OR4K2: variants seen among roughly 807,000 people sequenced by gnomAD.
The protein encoded by OR4K2 is olfactory receptor family 4 subfamily K member 2.
In OR4K2, 8 loss-of-function variants were observed where a neutral mutation model predicts 10.5. The observed-to-expected ratio is 0.76, with a 90% confidence interval of 0.45 to 1.37. The LOEUF is 1.37. Ranked by LOEUF, OR4K2 falls within the 40% of genes most tolerant of loss-of-function variation. The pLI is 0.00. For missense variants in OR4K2, 547 were observed against 379.5 expected (o/e 1.44, Z -3.67); for synonymous variants, 178 against 133.6 (o/e 1.33, Z -2.29).
rs780165847 is a variant in OR4K2 at position 19,876,398 on chromosome 14, T to C, written c.131T>C (p.Leu44Pro). The stretch of plus-strand genomic sequence containing the variant: ...GTGGCAACAATGGTGGGTAACAGCC[T>C]CATAGTCATCACAGTTATAGTGGAC... ...LYVATMVGNS[L>P]IVITVIVDPH... Residue 44 changes from leucine (L) to proline (P), a missense_variant, in exon 2 of 2, where the codon CTC becomes CCC. Transcript: ENST00000641885. The C allele has an allele frequency of 8.7e-6, 14 of 1,613,988 alleles. No individual in the cohort carries two copies. Among genetic ancestry groups the C allele is most frequent in the Non-Finnish European group, 1.2e-5 (14 of 1,179,942 alleles).
chr14:19,876,315 G>A lies in OR4K2; in HGVS notation c.48G>A (p.Gly16=), dbSNP rs780588179. 1.9e-6 allele frequency: 3 copies of A among 1,612,852 alleles called. No individual in the cohort carries two copies. The highest frequency in any genetic ancestry group is 2.2e-5 in the East Asian group (1 of 44,860). Residue 16 remains glycine (G), a synonymous_variant, in exon 2 of 2, where the codon GGG becomes GGA. Transcript: ENST00000641885. The part of the protein sequence containing the change: ...KSTMSEFVLL[G]LSNSWELQMF... ...CCATGTCTGAATTTGTTTTGCTGGGGCTCTCTAATTCCTGGGAACTACAGA... is the reference window on the plus strand; with the variant it reads ...CCATGTCTGAATTTGTTTTGCTGGGACTCTCTAATTCCTGGGAACTACAGA...
chr14:19,877,773 A>G lies in OR4K2; in HGVS notation c.*561A>G, dbSNP rs573456658. The G allele has an allele frequency of 1.3e-5, 2 of 152,932 alleles. No individual in the cohort carries two copies. The highest frequency in any genetic ancestry group is 4.1e-4 in the South Asian group (2 of 4,864). The allele number at this position is 152,932 out of a possible 1,614,324, so 9.5% of individuals were successfully genotyped here. A position where few individuals can be genotyped will look rare whatever the true frequency, so the allele number is the denominator to read the frequency against. On this transcript the variant is annotated 3_prime_UTR_variant, in exon 2 of 2. Coordinates refer to ENST00000641885, the MANE Select transcript of OR4K2 (RefSeq NM_001005501.2). ...TTCGAATGTTAATGACGTCCATAAA[A>G]TTGCCGTAAGTGTAGCAATCTTTAC... is the stretch of plus-strand genomic sequence containing the variant.
In OR4K2 at chr14:19,880,278, A is replaced by G. The variant is rs1216812943; in HGVS notation, c.*3066A>G. On this transcript the variant is annotated 3_prime_UTR_variant, in exon 2 of 2. Coordinates refer to ENST00000641885, the MANE Select transcript of OR4K2 (RefSeq NM_001005501.2). ...AACAGTGTTTAATACTACTTCTACT[A>G]CTAGTGGTGTAAACTTAAGCTAAGT... is the stretch of plus-strand genomic sequence containing the variant. 6.6e-6 allele frequency: 1 copy of G among 152,158 alleles called. No individual in the cohort carries two copies. The highest frequency in any genetic ancestry group is 2.4e-5 in the African/African-American group (1 of 41,430). The allele number at this position is 152,158 out of a possible 1,614,324, so 9.4% of individuals were successfully genotyped here.
chr14:19,883,895 C>T lies in OR4K2; in HGVS notation c.*6683C>T, dbSNP rs1401972625. On this transcript the variant is annotated 3_prime_UTR_variant, in exon 2 of 2. Transcript: ENST00000641885. ...GGAGACCGTTTTGATCTGCCCTCCT[C>T]ACCTCACATTTCACACATGGAGAAA... 6.6e-6 allele frequency: 1 copy of T among 152,226 alleles called. No homozygotes were observed. Among genetic ancestry groups the T allele is most frequent in the Non-Finnish European group, 1.5e-5 (1 of 68,040 alleles). 9.4% of individuals were successfully genotyped at this position (152,226 alleles called of 1,614,324 possible).
Position 19,876,627 on chromosome 14 carries a change from TG to T in OR4K2, c.361del (p.Asp121IlefsTer37), listed in dbSNP as rs2138529884. The T allele has an allele frequency of 1.9e-6, 3 of 1,614,218 alleles. No individual in the cohort carries two copies. The East Asian group carries it at 6.7e-5, about 36-fold the overall frequency. On this transcript the variant is annotated frameshift_variant, in exon 2 of 2. Transcript: ENST00000641885. LOFTEE classifies it high-confidence loss of function. ...EIILLMAMSFDRYIAICKPLH... is the reference protein window; with the variant it reads ...EIILLMAMSFXRYIAICKPLH... ...TCATCTTACTCATGGCCATGTCCTT[TG>T]ATAGGTATATTGCAATATGCAAGCC...
In OR4K2 at chr14:19,877,184, T is replaced by C. The variant is rs1880931160; in HGVS notation, c.917T>C (p.Leu306Pro). 1 of 1,592,784 alleles carries C rather than the reference T, an allele frequency of 6.3e-7. No individual in the cohort carries two copies. Among genetic ancestry groups the C allele is most frequent in the Non-Finnish European group, 8.5e-7 (1 of 1,174,800 alleles). ...IAMRKLKNRFLNFNKAMPS is the reference protein window; with the variant it reads ...IAMRKLKNRFPNFNKAMPS ...ATGAGGAAACTGAAAAATAGGTTTC[T>C]AAATTTTAATAAGGCAATGCCTTCA... Residue 306 changes from leucine (L) to proline (P), a missense_variant, in exon 2 of 2, where the codon CTA becomes CCA. Physicochemically the swap from Leu to Pro is moderately conservative, Grantham distance 98 (BLOSUM62 -3). Transcript: ENST00000641885.
At position 19,876,093 on chromosome 14, in the gene OR4K2, A is replaced by T. The variant is rs1303702264; in HGVS notation, c.-65A>T. ...CTCTAATATTTCATAATTTCCATTC[A>T]AAACAATATACCAAATGAGAAGGAT... On this transcript the variant is annotated 5_prime_UTR_variant, in exon 1 of 2. Coordinates refer to ENST00000641885, the MANE Select transcript of OR4K2 (RefSeq NM_001005501.2). 9 of 595,434 alleles carry T rather than the reference A, an allele frequency of 1.5e-5. No homozygotes were observed. Among genetic ancestry groups the T allele is most frequent in the African/African-American group, 1.3e-4 (7 of 52,172 alleles). 36.9% of individuals were successfully genotyped at this position (595,434 alleles called of 1,614,324 possible). A position where few individuals can be genotyped will look rare whatever the true frequency, so the allele number is the denominator to read the frequency against.
At position 19,876,482 on chromosome 14, in the gene OR4K2, C is replaced by G. The variant is rs766217953; in HGVS notation, c.215C>G (p.Ser72Cys). The part of the protein sequence containing the change: ...LLTNLSIIDM[S>C]LASFATPKMI... The stretch of plus-strand genomic sequence containing the variant: ...ACCAATCTTTCAATCATTGATATGT[C>G]TCTTGCTTCTTTCGCCACCCCAAAG... The change falls in exon 2 of 2, where the codon TCT becomes TGT. Residue 72 changes from serine to cysteine, a missense_variant. Coordinates refer to ENST00000641885, the MANE Select transcript of OR4K2 (RefSeq NM_001005501.2). The G allele has an allele frequency of 1.2e-5, 20 of 1,614,122 alleles. No individual in the cohort carries two copies. The East Asian group carries it at 4.2e-4, about 34-fold the overall frequency.
At chr14:19,876,171 A>G in intron 1 of OR4K2, 37 bp downstream of exon 1, 1 of 1,017,436 alleles carries the variant, frequency 9.8e-7, no homozygotes, top group South Asian at 1.6e-5. Flanking sequence ...CTGAAAGTAG[A>G]TAATTGGAAA....
chr14:19,876,953 C>T lies in OR4K2; in HGVS notation c.686C>T (p.Ser229Phe). The change falls in exon 2 of 2, where the codon TCT becomes TTT. Residue 229 changes from serine to phenylalanine, a missense_variant. Transcript: ENST00000641885. The part of the protein sequence containing the change: ...VIVLVTVKHH[S>F]SRGSSKALST... ...GTCCTGGTTACTGTGAAGCATCATTCTTCCAGAGGATCATCTAAGGCCCTT... is the reference window on the plus strand; with the variant it reads ...GTCCTGGTTACTGTGAAGCATCATTTTTCCAGAGGATCATCTAAGGCCCTT... 6.2e-7 allele frequency: 1 copy of T among 1,614,060 alleles called. No homozygotes were observed. Among genetic ancestry groups the T allele is most frequent in the Non-Finnish European group, 8.5e-7 (1 of 1,179,968 alleles).
rs983851280 is a variant in OR4K2, at chr14:19,876,846, T to C, written c.579T>C (p.Tyr193=). The C allele has an allele frequency of 3.1e-6, 5 of 1,614,216 alleles. No homozygotes were observed. Among genetic ancestry groups the C allele is most frequent in the Admixed American group, 3.3e-5 (2 of 60,026 alleles). The change falls in exon 2 of 2, where the codon TAT becomes TAC. Residue 193 remains tyrosine, a synonymous_variant. Coordinates refer to ENST00000641885, the MANE Select transcript of OR4K2 (RefSeq NM_001005501.2). ...TCCAGTTGGCTTGTGTGGATACTTA[T>C]GTTCTGGGCCTCTTTATGATCTCAA... ...VVFQLACVDT[Y]VLGLFMISTS...
rs1326288742 is a variant in OR4K2, at chr14:19,879,235, G to A, written c.*2023G>A. The A allele has an allele frequency of 1.3e-5, 2 of 150,730 alleles. No homozygotes were observed. The highest frequency in any genetic ancestry group is 3.0e-5 in the Non-Finnish European group (2 of 67,528). The allele number at this position is 150,730 out of a possible 1,614,324, so 9.3% of individuals were successfully genotyped here. The stretch of plus-strand genomic sequence containing the variant: ...CTATCACATTTCTCGGTGGCTTAGT[G>A]TGAGGAGTCAATATTCATGGTACCT... On this transcript the variant is annotated 3_prime_UTR_variant, in exon 2 of 2. Transcript: ENST00000641885.
rs985886217 is a variant in OR4K2 at position 19,876,546 on chromosome 14, T to A, written c.279T>A (p.Ser93=). The change falls in exon 2 of 2, where the codon TCT becomes TCA. Residue 93 remains serine, a synonymous_variant. Coordinates refer to ENST00000641885, the MANE Select transcript of OR4K2 (RefSeq NM_001005501.2). ...TDYLTGHKTI[S]FDGCLTQIFF... is the part of the protein sequence containing the mutation. ...ACCTAACAGGTCACAAAACCATCTCTTTTGATGGCTGCCTTACCCAGATAT... is the reference window on the plus strand; with the variant it reads ...ACCTAACAGGTCACAAAACCATCTCATTTGATGGCTGCCTTACCCAGATAT... 2 of 1,614,094 alleles carry A rather than the reference T, an allele frequency of 1.2e-6. No individual in the cohort carries two copies. Among genetic ancestry groups the A allele is most frequent in the East Asian group, 2.2e-5 (1 of 44,902 alleles).
chr14:19,876,779 C>T lies in OR4K2; in HGVS notation c.512C>T (p.Pro171Leu). 2 of 1,614,186 alleles carry T rather than the reference C, an allele frequency of 1.2e-6. No homozygotes were observed. The highest frequency in any genetic ancestry group is 8.5e-7 in the Non-Finnish European group (1 of 1,180,004). Residue 171 changes from proline to leucine, a missense_variant, in exon 2 of 2, where the codon CCC becomes CTC. Transcript: ENST00000641885. Reference sequence around the variant, plus strand: ...GCCCTCACGTTACCATTCTGTGGTCCCTATGAGGTAGACAGCTTTTTCTGT... The same window carrying T: ...GCCCTCACGTTACCATTCTGTGGTCTCTATGAGGTAGACAGCTTTTTCTGT... ...IFALTLPFCGPYEVDSFFCDL... is the reference protein window; with the variant it reads ...IFALTLPFCGLYEVDSFFCDL...
rs535228639 is a variant in OR4K2, at chr14:19,878,214, A to G, written c.*1002A>G. 6.6e-6 allele frequency: 1 copy of G among 152,224 alleles called. No individual in the cohort carries two copies. The allele number at this position is 152,224 out of a possible 1,614,324, so 9.4% of individuals were successfully genotyped here. A position where few individuals can be genotyped will look rare whatever the true frequency, so the allele number is the denominator to read the frequency against. ...TTCAATATTAGCTTTAATGTATACA[A>G]AGTATTACTACCACCTGCTGGTACT... On this transcript the variant is annotated 3_prime_UTR_variant, in exon 2 of 2. Coordinates refer to ENST00000641885, the MANE Select transcript of OR4K2 (RefSeq NM_001005501.2).
At chr14:19,876,165 AAGT>A in intron 1 of OR4K2, 31 bp downstream of exon 1, 6 of 974,596 alleles carry the variant, frequency 6.2e-6, no homozygotes, top group Non-Finnish European at 7.6e-6. Flanking sequence ...AAATTTCTGA[AAGT>A]AGATAATTGG....
Position 19,877,179 on chromosome 14 carries a change from G to C in OR4K2, c.912G>C (p.Arg304Ser), listed in dbSNP as rs1213408093. 2 of 1,596,516 alleles carry C rather than the reference G, an allele frequency of 1.3e-6. No homozygotes were observed. Among genetic ancestry groups the C allele is most frequent in the East Asian group, 2.2e-5 (1 of 44,854 alleles). ...TAGCCATGAGGAAACTGAAAAATAG[G>C]TTTCTAAATTTTAATAAGGCAATGC... is the stretch of plus-strand genomic sequence containing the variant. Reference protein sequence around the residue: ...VKIAMRKLKNRFLNFNKAMPS With the variant: ...VKIAMRKLKNSFLNFNKAMPS Residue 304 changes from arginine (R) to serine (S), a missense_variant, in exon 2 of 2, where the codon AGG becomes AGC. By Grantham distance (110) the Arg-to-Ser change is moderately radical. Coordinates refer to ENST00000641885, the MANE Select transcript of OR4K2 (RefSeq NM_001005501.2).
At position 19,876,234 on chromosome 14, in the gene OR4K2, TCGTGATACAGG is replaced by T; in HGVS notation, c.-23-9_-22del. On this transcript the variant is annotated splice_acceptor_variant and splice_polypyrimidine_tract_variant and 5_prime_UTR_variant and intron_variant, in exon 2 of 2. Coordinates refer to ENST00000641885, the MANE Select transcript of OR4K2 (RefSeq NM_001005501.2). LOFTEE classifies it low-confidence loss of function (5UTR_SPLICE). ...CTTTCCTTTTTTTTTTTTTTTTTTT[TCGTGATACAGG>T]CTTCTGCCTATGAATCAAGACAATG... is the stretch of plus-strand genomic sequence containing the variant. 1.2e-6 allele frequency: 1 copy of T among 813,748 alleles called. No individual in the cohort carries two copies. The allele number at this position is 813,748 out of a possible 1,614,324, so 50.4% of individuals were successfully genotyped here. A position where few individuals can be genotyped will look rare whatever the true frequency, so the allele number is the denominator to read the frequency against.
rs755997354 is a variant in OR4K2, at chr14:19,880,124, C to T, written c.*2912C>T. The T allele has an allele frequency of 1.3e-5, 2 of 153,060 alleles. No individual in the cohort carries two copies. The highest frequency in any genetic ancestry group is 2.9e-5 in the Non-Finnish European group (2 of 68,076). 9.5% of individuals were successfully genotyped at this position (153,060 alleles called of 1,614,324 possible). ...AGTGTATTTTATGTGTGGCCCAACA[C>T]AATTCTTCTTCCAATGTGGCCCAGA... On this transcript the variant is annotated 3_prime_UTR_variant, in exon 2 of 2. Coordinates refer to ENST00000641885, the MANE Select transcript of OR4K2 (RefSeq NM_001005501.2).
Sources: gnomAD v4.1 joint callset for allele counts on GRCh38, gnomAD v4.1.1 for gene constraint, MANE v1.5 for transcripts, NCBI Gene and HGNC (gene_info 2026-07-23, HGNC 2026-07-21) for gene names.